The following DPH5 variants were observed in gnomAD, a reference collection of about 807,000 sequenced individuals.
DPH5 encodes diphthine methyl ester synthase.
In DPH5, 31 loss-of-function variants were observed where a neutral mutation model predicts 31.6. That is an observed-to-expected ratio of 0.98 (90% CI 0.74 to 1.32). The LOEUF (loss-of-function observed/expected upper bound fraction) is 1.32, where lower values mean the gene tolerates loss of function less well. DPH5 is among the 40% of genes most tolerant of loss of function. The probability of loss-of-function intolerance (pLI) is 0.00; values close to 1 mark genes in which losing one functional copy is unlikely to be tolerated. For missense variants in DPH5, 309 were observed against 335.7 expected (o/e 0.92, Z 0.62); for synonymous variants, 120 against 115.0 (o/e 1.04, Z -0.28).
chr1:101,001,655 A>C lies in DPH5; in HGVS notation c.370-68T>G, dbSNP rs1043513602. 9 of 1,252,312 alleles carry C rather than the reference A, an allele frequency of 7.2e-6. No homozygotes were observed. In the East Asian group the frequency reaches 1.0e-4, roughly 14 times the overall value. 77.6% of individuals were successfully genotyped at this position (1,252,312 alleles called of 1,614,324 possible). A position where few individuals can be genotyped will look rare whatever the true frequency, so the allele number is the denominator to read the frequency against. Reference sequence around the variant, plus strand: ...TATTTCATAGATAAGGAGAGAATTTAATCATTTTACAACCAAAATAAAAAG... The same window carrying C: ...TATTTCATAGATAAGGAGAGAATTTCATCATTTTACAACCAAAATAAAAAG... On this transcript the variant is annotated intron_variant, in intron 4 of 7. Coordinates refer to ENST00000370109, the MANE Select transcript of DPH5 (RefSeq NM_015958.3).
In DPH5 at chr1:100,990,435, T is replaced by C. The variant is rs1258541608; in HGVS notation, c.831A>G (p.Ser277=). ...AAAGTCCATTGATGCTTTGAGATTC[T>C]GAGCTATTTTCTGGTATGGAAAACA... The part of the protein sequence containing the change: ...LSLFSIPENS[S]ESQSINGL The change falls in exon 8 of 8, where the codon TCA becomes TCG. Residue 277 remains serine, a synonymous_variant. Coordinates refer to ENST00000370109, the MANE Select transcript of DPH5 (RefSeq NM_015958.3). The C allele has an allele frequency of 1.2e-6, 2 of 1,613,292 alleles. No individual in the cohort carries two copies. The highest frequency in any genetic ancestry group is 1.7e-6 in the Non-Finnish European group (2 of 1,179,312).
At chr1:101,002,522 G>A (rs905105756) in intron 4 of DPH5, among the ~76,000 whole-genome samples, 15 of 152,260 alleles carry the variant, frequency 9.9e-5, no homozygotes, top group Non-Finnish European at 1.5e-4. Context: ...TCTCAGCACT[G>A]AGCAAAGGAC....
chr1:101,004,816 G>A (rs945756161), intron 4 of DPH5, among the ~76,000 whole-genome samples: 5 of 152,202 alleles, frequency 3.3e-5, no homozygotes, highest in Admixed American at 2.6e-4. Context: ...TGGAGAAGCC[G>A]AACATGGGGA....
rs1660775763 is a variant in DPH5, at chr1:101,025,671, G to A, written c.-24+12C>T. On this transcript the variant is annotated intron_variant, in intron 1 of 7. Coordinates refer to ENST00000370109, the MANE Select transcript of DPH5 (RefSeq NM_015958.3). Reference sequence around the variant, plus strand: ...TGCCTCTTGTTACACAAACCTAGGAGCAGCCAATTACCCGCTGAGAGAATC... The same window carrying A: ...TGCCTCTTGTTACACAAACCTAGGAACAGCCAATTACCCGCTGAGAGAATC... The A allele has an allele frequency of 1.8e-6, 1 of 544,900 alleles. No homozygotes were observed. The highest frequency in any genetic ancestry group is 3.2e-5 in the Admixed American group (1 of 30,932). The allele number at this position is 544,900 out of a possible 1,614,324, so 33.8% of individuals were successfully genotyped here.
At chr1:101,024,142 T>C (rs2391573) in intron 2 of DPH5, among the ~76,000 whole-genome samples, 42,190 of 152,072 alleles carry the variant, frequency 0.28, 6,110 homozygotes, top group African/African-American at 0.35. Context: ...TGTGGTTGCT[T>C]GTGCCTATAC....
intron 2 of DPH5, 127 bp from the exon 3 acceptor site, chr1:101,021,892 C>T: frequency 1.1e-6 from 1 of 908,642 alleles, no homozygotes; most frequent in South Asian, 2.1e-5. Flanking sequence ...ATGTTGGCAA[C>T]CACCCAAATG....
At chr1:101,002,159 T>C (rs1658918973) in intron 4 of DPH5, among the ~76,000 whole-genome samples, 1 of 152,218 alleles carries the variant, frequency 6.6e-6, no homozygotes, top group African/African-American at 2.4e-5. Context: ...CAAGATTGTA[T>C]TTGTTCCCTC....
At chr1:101,021,998 C>T (rs1054707690) in intron 2 of DPH5, among the ~76,000 whole-genome samples, 2 of 152,078 alleles carry the variant, frequency 1.3e-5, no homozygotes, top group East Asian at 1.9e-4. Context: ...CCAAAGGAGG[C>T]GGAACTCTTA....
At chr1:100,994,920 C>T (rs188908795) in intron 6 of DPH5, among the ~76,000 whole-genome samples, 190 bp downstream of exon 6, 73 of 152,246 alleles carry the variant, frequency 4.8e-4, no homozygotes, top group Middle Eastern at 3.4e-3. Context: ...GTGTTGAATC[C>T]ACAAAATATA....
intron 4 of DPH5, among the ~76,000 whole-genome samples, chr1:101,004,690 A>AG (rs1659095893): frequency 6.6e-6 from 1 of 152,188 alleles, no homozygotes; most frequent in Non-Finnish European, 1.5e-5. Context: ...TAAATATGCT[A>AG]TAGACTCTAA....
At position 100,995,103 on chromosome 1, in the gene DPH5, A is replaced by G; in HGVS notation, c.530+7T>C. 2 of 1,564,894 alleles carry G rather than the reference A, an allele frequency of 1.3e-6. No homozygotes were observed. Among genetic ancestry groups the G allele is most frequent in the Non-Finnish European group, 1.8e-6 (2 of 1,136,476 alleles). On this transcript the variant is annotated splice_region_variant and intron_variant, in intron 6 of 7. Coordinates refer to ENST00000370109, the MANE Select transcript of DPH5 (RefSeq NM_015958.3). ...CACATGTATGCATTCTCAGAATAAT[A>G]ACTTACTTGATTAGATTTTCCAAAG...
intron 4 of DPH5, among the ~76,000 whole-genome samples, chr1:101,010,875 G>C (rs1659578616): frequency 6.6e-6 from 1 of 152,148 alleles, no homozygotes; most frequent in South Asian, 2.1e-4. Flanking sequence ...AATTTGTCTA[G>C]GTTGGTAATT....
At chr1:101,008,410 C>A (rs531558539) in intron 4 of DPH5, among the ~76,000 whole-genome samples, 1 of 152,200 alleles carries the variant, frequency 6.6e-6, no homozygotes, top group Non-Finnish European at 1.5e-5. Flanking sequence ...TCACCACATA[C>A]CCTTACAGTA....
intron 5 of DPH5, among the ~76,000 whole-genome samples, chr1:101,000,417 A>G (rs1268628515): frequency 6.6e-6 from 1 of 152,248 alleles, no homozygotes; most frequent in Non-Finnish European, 1.5e-5. Flanking sequence ...TAGTAACTTG[A>G]CACTGACATA....
chr1:100,991,788 CAA>C (rs71084857), intron 7 of DPH5, among the ~76,000 whole-genome samples: 20 of 100,978 alleles, frequency 2.0e-4, no homozygotes, highest in Admixed American at 3.2e-4. Flanking sequence ...GACCCCATCT[CAA>C]AAAAAAAAAA....
chr1:101,009,734 A>C (rs1206850607), intron 4 of DPH5, among the ~76,000 whole-genome samples: 1 of 152,198 alleles, frequency 6.6e-6, no homozygotes, highest in African/African-American at 2.4e-5. Context: ...AAAACCCTTC[A>C]ATGTCAATTT....
At chr1:101,015,282 G>A (rs1233565572) in intron 3 of DPH5, among the ~76,000 whole-genome samples, 4 of 152,200 alleles carry the variant, frequency 2.6e-5, no homozygotes, top group African/African-American at 9.6e-5. Flanking sequence ...TCCATGGGCT[G>A]TAGAATAGGT....
intron 3 of DPH5, among the ~76,000 whole-genome samples, chr1:101,014,071 T>C (rs1221187415): frequency 6.6e-6 from 1 of 152,156 alleles, no homozygotes; most frequent in East Asian, 1.9e-4. Flanking sequence ...AAAGGGACCT[T>C]TACTTGCCCA....
At chr1:100,994,062 T>C (rs995158610) in intron 6 of DPH5, among the ~76,000 whole-genome samples, 1 of 152,148 alleles carries the variant, frequency 6.6e-6, no homozygotes, top group Non-Finnish European at 1.5e-5. Flanking sequence ...AAAATTTTAA[T>C]ATTTTAATTA....
Sources: gnomAD v4.1 joint callset for allele counts (sites outside exome capture counted in the v4.1 genomes callset) on GRCh38, gnomAD v4.1.1 for gene constraint, MANE v1.5 for transcripts, NCBI Gene and HGNC (gene_info 2026-07-23, HGNC 2026-07-21) for gene names.